VPS13A: variants seen among roughly 807,000 people sequenced by gnomAD.
The protein encoded by VPS13A is vacuolar protein sorting 13 homolog A.
In VPS13A, 264 loss-of-function variants were observed where a neutral mutation model predicts 390.9. The observed-to-expected ratio is 0.68, with a 90% confidence interval of 0.61 to 0.75. VPS13A has a LOEUF of 0.75. Ranked by LOEUF, VPS13A falls within the 30% of genes least tolerant of loss-of-function variation. The pLI, the probability that VPS13A is intolerant of heterozygous loss-of-function variation, is 0.00. For synonymous variants in VPS13A, 1,231 were observed against 1,227.1 expected (o/e 1.00, Z -0.07); for missense variants, 3,409 against 3,733.9 (o/e 0.91, Z 2.27).
intron 23 of VPS13A, among the ~76,000 whole-genome samples, chr9:77,268,629 A>T (rs1280471348): frequency 6.6e-6 from 1 of 152,016 alleles, no homozygotes; most frequent in Admixed American, 6.6e-5. Flanking sequence ...GAGAAGTTTT[A>T]TCCCCAGTCT....
intron 69 of VPS13A, among the ~76,000 whole-genome samples, chr9:77,405,136 T>G (rs1309351955): frequency 3.9e-5 from 6 of 152,116 alleles, no homozygotes; most frequent in African/African-American, 1.5e-4. Flanking sequence ...ATTTCTTGGT[T>G]TCTTTCTTCA....
chr9:77,205,138 CAACA>C (rs1261591831), intron 3 of VPS13A, among the ~76,000 whole-genome samples, 171 bp from the exon 4 acceptor site: 1 of 152,070 alleles, frequency 6.6e-6, no homozygotes, highest in African/African-American at 2.4e-5. Flanking sequence ...CAAATCATTA[CAACA>C]AACACTTGTT....
chr9:77,360,392 C>T (rs915962653), intron 58 of VPS13A, 144 bp from the exon 59 acceptor site: 6 of 619,544 alleles, frequency 9.7e-6, no homozygotes, highest in African/African-American at 1.9e-5. Flanking sequence ...TAACAGTGTT[C>T]CATGATTTTT....
intron 20 of VPS13A, among the ~76,000 whole-genome samples, chr9:77,249,888 A>C (rs576419853): frequency 5.9e-5 from 9 of 152,318 alleles, no homozygotes; most frequent in African/African-American, 2.2e-4. Context: ...GTAAATGGGA[A>C]ATATATCCTA....
intron 17 of VPS13A, among the ~76,000 whole-genome samples, chr9:77,228,958 T>G (rs141376663): frequency 1.2e-4 from 19 of 152,260 alleles, no homozygotes; most frequent in African/African-American, 4.3e-4. Flanking sequence ...ATTCAAATTA[T>G]CTCCCACCAG....
chr9:77,328,128 T>C (rs1173356975), intron 45 of VPS13A, among the ~76,000 whole-genome samples: 1 of 152,206 alleles, frequency 6.6e-6, no homozygotes. Flanking sequence ...TGCTACAGAA[T>C]AGATGTTGTG....
chr9:77,293,555 T>A, intron 32 of VPS13A, 47 bp downstream of exon 32: 1 of 1,145,170 alleles, frequency 8.7e-7, no homozygotes, highest in Non-Finnish European at 1.2e-6. Context: ...AATTGGAAAT[T>A]GCTATATGTC....
In VPS13A at chr9:77,210,774, A is replaced by G. The variant is rs148497564; in HGVS notation, c.555+99A>G. 3.7e-3 allele frequency: 4,628 copies of G among 1,240,930 alleles called. 16 individuals carry two copies. Among genetic ancestry groups the G allele is most frequent in the South Asian group, 4.9e-3 (408 of 82,846 alleles). 76.9% of individuals were successfully genotyped at this position (1,240,930 alleles called of 1,614,324 possible). ...ATGCCAGCATCAGAAATAGGTGTCT[A>G]TGTAGAACGGGTGCACAAAGGGTCT... On this transcript the variant is annotated intron_variant, in intron 7 of 71. Transcript: ENST00000360280.
Position 77,213,236 on chromosome 9 carries a change from A to G in VPS13A, c.618A>G (p.Leu206=), listed in dbSNP as rs2131153449. 6.2e-7 allele frequency: 1 copy of G among 1,613,136 alleles called. No individual in the cohort carries two copies. Among genetic ancestry groups the G allele is most frequent in the Non-Finnish European group, 8.5e-7 (1 of 1,179,416 alleles). The change falls in exon 9 of 72, where the codon TTA becomes TTG. Residue 206 remains leucine, a splice_region_variant and synonymous_variant. Transcript: ENST00000360280. ...CATCTAATAAATTTTATTTTCAGTT[A>G]ATCCGATTGGATAACCTGTTTGCCT... ...HDETEKLVRK[L]IRLDNLFAYW...
At chr9:77,194,533 G>C (rs1189242549) in intron 1 of VPS13A, among the ~76,000 whole-genome samples, 3 of 152,080 alleles carry the variant, frequency 2.0e-5, no homozygotes, top group African/African-American at 7.2e-5. Flanking sequence ...AGGCCTTCTG[G>C]GCTCCGTGCA....
intron 46 of VPS13A, among the ~76,000 whole-genome samples, chr9:77,335,395 G>A (rs562333975): frequency 6.6e-6 from 1 of 152,174 alleles, no homozygotes; most frequent in African/African-American, 2.4e-5. Context: ...CACAGCAAAA[G>A]AAACTATCAT....
chr9:77,339,646 A>G lies in VPS13A; in HGVS notation c.6509A>G (p.His2170Arg). The G allele has an allele frequency of 6.2e-7, 1 of 1,613,994 alleles. No homozygotes were observed. The highest frequency in any genetic ancestry group is 8.5e-7 in the Non-Finnish European group (1 of 1,179,962). ...YLNHDWKSEYHIKPNQQDISF... is the reference protein window; with the variant it reads ...YLNHDWKSEYRIKPNQQDISF... ...AATCACGATTGGAAAAGTGAATATC[A>G]CATAAAGCCTAATCAGCAAGACATT... Residue 2170 changes from histidine (H) to arginine (R), a missense_variant, in exon 48 of 72, where the codon CAC becomes CGC. Physicochemically the swap from His to Arg is conservative, Grantham distance 29. Transcript: ENST00000360280.
chr9:77,243,279 C>G (rs1824612774), intron 19 of VPS13A, among the ~76,000 whole-genome samples: 1 of 152,030 alleles, frequency 6.6e-6, no homozygotes, highest in Admixed American at 6.5e-5. Context: ...ATTTTACTTA[C>G]TTGTTGAACA....
At position 77,328,406 on chromosome 9, in the gene VPS13A, G is replaced by A. The variant is rs544288217; in HGVS notation, c.5992-3604G>A. Among the ~76,000 whole-genome samples, 34 of 152,294 alleles carry A rather than the reference G, an allele frequency of 2.2e-4. 1 individual carries two copies. Among genetic ancestry groups the A allele is most frequent in the African/African-American group, 6.7e-4 (28 of 41,556 alleles). ...TTTTCATAATGGTAAAAGAACATTG[G>A]CTAACTTCAGGTCACTAGCTTCATT... On this transcript the variant is annotated intron_variant, in intron 45 of 71. Transcript: ENST00000360280.
chr9:77,338,821 C>G (rs1026703709), intron 47 of VPS13A: 2 of 152,220 alleles, frequency 1.3e-5, no homozygotes, highest in African/African-American at 4.8e-5. Flanking sequence ...TCTCATAGAA[C>G]TTTTAATTGG....
chr9:77,287,765 A>C (rs1225625475), intron 31 of VPS13A, among the ~76,000 whole-genome samples: 1 of 152,178 alleles, frequency 6.6e-6, no homozygotes, highest in Non-Finnish European at 1.5e-5. Flanking sequence ...AGCAACTATA[A>C]AAGCCTTGTA....
intron 11 of VPS13A, 32 bp downstream of exon 11, chr9:77,220,113 AATT>A (rs1564639992): frequency 2.7e-5 from 43 of 1,583,812 alleles, no homozygotes; most frequent in Non-Finnish European, 3.7e-5. Context: ...TTCAATTGTG[AATT>A]ATTGTTTGAT....
intron 68 of VPS13A, chr9:77,385,117 A>C (rs1314232379): frequency 1.0e-6 from 1 of 972,640 alleles, no homozygotes; most frequent in Non-Finnish European, 1.2e-6. Context: ...ATAGCCATTT[A>C]ATGTTTTATA....
chr9:77,338,573 A>G (rs547782783), intron 47 of VPS13A: 1 of 152,326 alleles, frequency 6.6e-6, no homozygotes, highest in East Asian at 1.9e-4. Flanking sequence ...GATTTGGTAC[A>G]GTGCCTCCCA....
Sources: gnomAD v4.1 joint callset for allele counts (sites outside exome capture counted in the v4.1 genomes callset) on GRCh38, gnomAD v4.1.1 for gene constraint, MANE v1.5 for transcripts, NCBI Gene and HGNC (gene_info 2026-07-23, HGNC 2026-07-21) for gene names.